The following GRIP2 variants were observed in gnomAD, a reference collection of about 807,000 sequenced individuals.
The protein encoded by GRIP2 is glutamate receptor interacting protein 2, also known as glutamate receptor-interacting protein 2.
Under a neutral mutation model 108.3 loss-of-function variants are expected in GRIP2, and 58 were observed. The ratio of observed to expected loss-of-function variants is 0.54; its 90% CI spans 0.43 to 0.67. The LOEUF (loss-of-function observed/expected upper bound fraction) is 0.67. GRIP2 is among the 30% of genes least tolerant of loss of function. GRIP2 has a pLI of 0.00. For missense variants in GRIP2, 1,278 were observed against 1,430.6 expected (o/e 0.89, Z 1.72); for synonymous variants, 586 against 598.2 (o/e 0.98, Z 0.30).
At chr3:14,574,519 C>A in the GRIP2 span, 1 of 741,148 alleles carries the variant, frequency 1.3e-6, no homozygotes. Context: ...GTGAGGTACT[C>A]CTGCTCCGGT....
At chr3:14,502,756 T>C (rs1043992181) in intron 21 of GRIP2, among the ~76,000 whole-genome samples, 1 of 152,086 alleles carries the variant, frequency 6.6e-6, no homozygotes, top group Non-Finnish European at 1.5e-5. Context: ...GATCATGACT[T>C]AAGCATAAAT....
At chr3:14,554,682 G>T (rs898120613) in intron 1 of GRIP2, among the ~76,000 whole-genome samples, 1 of 144,504 alleles carries the variant, frequency 6.9e-6, no homozygotes, top group South Asian at 2.5e-4. Flanking sequence ...CCCTAAGGAA[G>T]ACTCCCTGTG....
intron 20 of GRIP2, chr3:14,503,975 A>AAACAGACG (rs1273534347): frequency 7.4e-6 from 3 of 406,698 alleles, no homozygotes; most frequent in Non-Finnish European, 1.4e-5. Flanking sequence ...GACAGAGGAC[A>AAACAGACG]AACAGACGAA....
chr3:14,570,176 C>G, the GRIP2 span, among the ~76,000 whole-genome samples: 1 of 152,192 alleles, frequency 6.6e-6, no homozygotes, highest in East Asian at 1.9e-4. Flanking sequence ...ACAGGGGTGT[C>G]TAACGTTCAC....
chr3:14,518,376 C>T (rs1694313602), intron 9 of GRIP2, among the ~76,000 whole-genome samples: 1 of 152,160 alleles, frequency 6.6e-6, no homozygotes. Context: ...TATTTCTGCC[C>T]CACGACTCTC....
At chr3:14,539,763 C>T (rs1257888474) in intron 1 of GRIP2, among the ~76,000 whole-genome samples, 1 of 152,130 alleles carries the variant, frequency 6.6e-6, no homozygotes, top group African/African-American at 2.4e-5. Context: ...TTCCCAGAGC[C>T]CCAGGGGCTC....
the GRIP2 span, among the ~76,000 whole-genome samples, chr3:14,563,363 A>T: frequency 4.6e-5 from 7 of 152,230 alleles, no homozygotes; most frequent in Non-Finnish European, 1.0e-4. Flanking sequence ...ATGAAAATTT[A>T]AAATTTAAAA....
At position 14,507,627 on chromosome 3, in the gene GRIP2, C is replaced by A. The variant is rs746740144; in HGVS notation, c.2152G>T (p.Glu718Ter). 2.5e-6 allele frequency: 4 copies of A among 1,614,022 alleles called. No homozygotes were observed. The highest frequency in any genetic ancestry group is 3.4e-6 in the Non-Finnish European group (4 of 1,179,894). Residue 718 changes from glutamate (E) to a stop codon, truncating the protein, a stop_gained, in exon 18 of 24, where the codon GAG (glutamate) becomes TAG (stop). Coordinates refer to ENST00000621039, the MANE Select transcript of GRIP2 (RefSeq NM_001080423.4). LOFTEE classifies it high-confidence loss of function. This position sits in a 1 kb window ranked among gnomAD's most constrained non-coding sequence, Gnocchi z 4.6. ...NVSLKGRPLS[E>*]AIHLLQVAGE... ...GCCACCTGCAGGAGGTGGATGGCCTCGCTCAGCGGCCGGCCCTTGAGGCTA... is the reference window on the plus strand; with the variant it reads ...GCCACCTGCAGGAGGTGGATGGCCTAGCTCAGCGGCCGGCCCTTGAGGCTA...
In GRIP2 at chr3:14,509,930, T is replaced by C. The variant is rs777812279; in HGVS notation, c.1968A>G (p.Thr656=). The C allele has an allele frequency of 6.5e-7, 1 of 1,549,104 alleles. No homozygotes were observed. Among genetic ancestry groups the C allele is most frequent in the Non-Finnish European group, 8.7e-7 (1 of 1,146,096 alleles). Residue 656 remains threonine (T), a synonymous_variant, in exon 17 of 24, where the codon ACA becomes ACG. Transcript: ENST00000621039. ...ELETTGAVSY[T]VELKRYGGPL... ...GACCCCCGTAGCGCTTCAGCTCCAC[T>C]GTGTAACTGACGGCACCTGTGGTCT...
the GRIP2 span, among the ~76,000 whole-genome samples, chr3:14,599,092 G>A: frequency 6.6e-6 from 1 of 151,992 alleles, no homozygotes; most frequent in East Asian, 1.9e-4. Context: ...CTTGTTCTTT[G>A]TCTCCCCCTC....
In GRIP2 at chr3:14,512,103, G is replaced by C. The variant is rs1694113859; in HGVS notation, c.1721-624C>G. 6.6e-6 allele frequency among the ~76,000 whole-genome samples: 1 copy of C among 152,210 alleles called. No homozygotes were observed. Among genetic ancestry groups the C allele is most frequent in the African/African-American group, 2.4e-5 (1 of 41,460 alleles). ...AGTGACATTTGGGCAAAGCCATGAA[G>C]GAGGTAGGGAAGAGGCCAGAGGAAC... On this transcript the variant is annotated intron_variant, in intron 14 of 23. Coordinates refer to ENST00000621039, the MANE Select transcript of GRIP2 (RefSeq NM_001080423.4). The surrounding 1 kb of genome is among the most constrained non-coding windows in gnomAD (Gnocchi z 5.1).
chr3:14,496,766 T>C (rs1559329486), intron 21 of GRIP2, among the ~76,000 whole-genome samples: 1 of 152,244 alleles, frequency 6.6e-6, no homozygotes, highest in Non-Finnish European at 1.5e-5. Context: ...CAATAATCAC[T>C]GGCACGTAAT....
chr3:14,541,679 C>T (rs1239109041), upstream of GRIP2, among the ~76,000 whole-genome samples: 1 of 152,208 alleles, frequency 6.6e-6, no homozygotes, highest in African/African-American at 2.4e-5. Flanking sequence ...CCTATGGTGC[C>T]TTCCTCTTTG....
chr3:14,499,880 T>C (rs924073289), intron 21 of GRIP2, among the ~76,000 whole-genome samples: 1 of 152,002 alleles, frequency 6.6e-6, no homozygotes, highest in African/African-American at 2.4e-5. Flanking sequence ...CAATAGCTGA[T>C]GAGAAAAAAA....
At chr3:14,515,653 T>C (rs1694227823) in intron 11 of GRIP2, among the ~76,000 whole-genome samples, 1 of 152,180 alleles carries the variant, frequency 6.6e-6, no homozygotes, top group South Asian at 2.1e-4. Context: ...TTATTTATTT[T>C]GAGACAAAGT....
chr3:14,581,609 C>T, the GRIP2 span, among the ~76,000 whole-genome samples: 10 of 152,206 alleles, frequency 6.6e-5, no homozygotes, highest in East Asian at 1.7e-3. Flanking sequence ...TGTTCTTTGT[C>T]CACTGGAAGG....
chr3:14,586,821 C>A, the GRIP2 span, among the ~76,000 whole-genome samples: 4 of 152,170 alleles, frequency 2.6e-5, no homozygotes, highest in Admixed American at 6.5e-5. Flanking sequence ...GGTAAATAAA[C>A]CATGCCTGGA....
intron 1 of GRIP2, among the ~76,000 whole-genome samples, chr3:14,549,938 G>A (rs1695117897): frequency 6.6e-6 from 1 of 152,204 alleles, no homozygotes; most frequent in Admixed American, 6.5e-5. Flanking sequence ...CCCTGGAGCT[G>A]TGGACCCACG....
Position 14,521,441 on chromosome 3 carries a change from C to T in GRIP2, c.712+201G>A. ...GCCAGCTCCATGAGAACAGACACCT[C>T]AATTCTGTTGTTCTAGGCTGGATCC... On this transcript the variant is annotated intron_variant, in intron 7 of 23. Coordinates refer to ENST00000621039, the MANE Select transcript of GRIP2 (RefSeq NM_001080423.4). The surrounding 1 kb of genome is among the most constrained non-coding windows in gnomAD (Gnocchi z 5.1). 1 of 568,026 alleles carries T rather than the reference C, an allele frequency of 1.8e-6. No individual in the cohort carries two copies. The highest frequency in any genetic ancestry group is 3.0e-6 in the Non-Finnish European group (1 of 328,366). The allele number at this position is 568,026 out of a possible 1,614,324, so 35.2% of individuals were successfully genotyped here.
Sources: gnomAD v4.1 joint callset for allele counts (sites outside exome capture counted in the v4.1 genomes callset) on GRCh38, gnomAD v4.1.1 for gene constraint, Gnocchi (gnomAD v3.1) non-coding constraint, MANE v1.5 for transcripts, NCBI Gene and HGNC (gene_info 2026-07-23, HGNC 2026-07-21) for gene names.